The following NRG4 variants were observed in gnomAD, a reference collection of about 807,000 sequenced individuals.
The protein encoded by NRG4 is pro-neuregulin-4, membrane-bound isoform.
In NRG4, 10 loss-of-function variants were observed where a neutral mutation model predicts 15.0. That is an observed-to-expected ratio of 0.67 (90% CI 0.41 to 1.13). The LOEUF (loss-of-function observed/expected upper bound fraction) is 1.13. Ranked by LOEUF, NRG4 falls within the 50% of genes most tolerant of loss-of-function variation. NRG4 has a pLI of 0.00. For synonymous variants in NRG4, 41 were observed against 50.1 expected (o/e 0.82, Z 0.77); for missense variants, 139 against 140.2 (o/e 0.99, Z 0.04).
intron 3 of NRG4, among the ~76,000 whole-genome samples, chr15:75,989,406 G>A (rs1174933369): frequency 2.6e-5 from 4 of 151,842 alleles, no homozygotes; most frequent in Non-Finnish European, 5.9e-5. Context: ...AAGATCCTGA[G>A]ACTTTTTGGC....
At chr15:76,006,017 TGTCACTGAAG>T (rs1438515423) in intron 3 of NRG4, among the ~76,000 whole-genome samples, 1 of 152,166 alleles carries the variant, frequency 6.6e-6, no homozygotes, top group East Asian at 1.9e-4. Flanking sequence ...GTGTGAGGGC[TGTCACTGAAG>T]GTTTTTTTTG....
downstream of NRG4, chr15:75,938,965 A>G (rs919972655): frequency 1.3e-5 from 2 of 152,164 alleles, no homozygotes; most frequent in Admixed American, 1.3e-4. Context: ...AAGCACTGCT[A>G]AAAGGGAAAT....
intron 5 of NRG4, among the ~76,000 whole-genome samples, chr15:76,024,667 T>C (rs1395185548): frequency 2.0e-5 from 3 of 152,220 alleles, no homozygotes; most frequent in East Asian, 1.9e-4. Flanking sequence ...TCACTGTGCA[T>C]ACTCGCACCT....
At chr15:76,000,072 C>CG (rs1382211199) in intron 3 of NRG4, among the ~76,000 whole-genome samples, 1 of 152,022 alleles carries the variant, frequency 6.6e-6, no homozygotes, top group Admixed American at 6.5e-5. Flanking sequence ...TTAGTAGAAA[C>CG]GGGGTTTCAC....
rs1457269458 is a variant in NRG4 at position 76,039,229 on chromosome 15, C to G, written c.-104-3238G>C. ...GACACCAGCAAATATCCACAAGCAT[C>G]AAGACCATCCAGGAAAACATACCCT... On this transcript the variant is annotated intron_variant, in intron 4 of 8. Transcript: ENST00000563910. Among the ~76,000 whole-genome samples the G allele has an allele frequency of 3.3e-5, 5 of 152,254 alleles. No homozygotes were observed. In the South Asian group the frequency reaches 1.0e-3, roughly 32 times the overall value.
At chr15:75,981,227 C>T (rs2033595357) in intron 3 of NRG4, among the ~76,000 whole-genome samples, 2 of 152,156 alleles carry the variant, frequency 1.3e-5, no homozygotes, top group South Asian at 4.1e-4. Flanking sequence ...TATTGGAATA[C>T]TCCCTTTTGG....
chr15:75,960,234 C>T (rs1368755508), intron 4 of NRG4, among the ~76,000 whole-genome samples: 3 of 152,274 alleles, frequency 2.0e-5, no homozygotes, highest in Admixed American at 2.0e-4. Context: ...AGGTATTGGT[C>T]TTCCCCTTAG....
rs2031197067 is a variant in NRG4 at position 75,943,437 on chromosome 15, CT to C, written c.*200del. The C allele has an allele frequency of 5.4e-6, 3 of 557,072 alleles. No individual in the cohort carries two copies. The South Asian group carries it at 7.2e-5, about 13-fold the overall frequency. 34.5% of individuals were successfully genotyped at this position (557,072 alleles called of 1,614,324 possible). On this transcript the variant is annotated 3_prime_UTR_variant, in exon 6 of 6. Transcript: ENST00000394907. Reference sequence around the variant, plus strand: ...CGAATTATACTGGTATCACCCCCTACTTAGCAGTTGCCGATGGACTGATGCA... The same window carrying C: ...CGAATTATACTGGTATCACCCCCTACTAGCAGTTGCCGATGGACTGATGCA...
At chr15:76,004,409 T>C (rs1026568103) in intron 3 of NRG4, among the ~76,000 whole-genome samples, 22 of 152,010 alleles carry the variant, frequency 1.4e-4, no homozygotes, top group African/African-American at 5.1e-4. Context: ...GAGACCAGCC[T>C]GACCAAAATG....
At chr15:76,033,387 C>G (rs2035523540) in intron 5 of NRG4, among the ~76,000 whole-genome samples, 1 of 152,154 alleles carries the variant, frequency 6.6e-6, no homozygotes, top group Non-Finnish European at 1.5e-5. Flanking sequence ...GAAATCACAT[C>G]TGTATTTCAA....
At chr15:75,956,048 T>C (rs751061534) in intron 4 of NRG4, 37 bp from the exon 5 acceptor site, 2 of 1,230,730 alleles carry the variant, frequency 1.6e-6, no homozygotes, top group East Asian at 2.3e-5. Flanking sequence ...AAAATGGAAG[T>C]GTAATAGGAA....
At chr15:75,948,254 A>G (rs569654398) in intron 5 of NRG4, among the ~76,000 whole-genome samples, 2 of 151,656 alleles carry the variant, frequency 1.3e-5, no homozygotes, top group East Asian at 1.9e-4. Context: ...CATTCCCCCT[A>G]TGTTTTCTTC....
intron 4 of NRG4, among the ~76,000 whole-genome samples, chr15:76,046,721 A>G (rs1235111148): frequency 2.6e-5 from 4 of 151,208 alleles, no homozygotes; most frequent in African/African-American, 9.8e-5. Context: ...ACAGAAGAAA[A>G]CATTGGAGAG....
intron 5 of NRG4, among the ~76,000 whole-genome samples, chr15:76,026,889 A>G (rs334936): frequency 0.8 from 122,108 of 152,032 alleles, 49,390 homozygotes; most frequent in South Asian, 0.9. Context: ...TTGTGAGGCC[A>G]AGGTGGGTGG....
At chr15:76,036,038 C>A (rs188991757) in intron 4 of NRG4, 6 of 152,302 alleles carry the variant, frequency 3.9e-5, no homozygotes, top group African/African-American at 1.2e-4. Flanking sequence ...GTTTATGTAA[C>A]AGTTTTATCT....
intron 5 of NRG4, among the ~76,000 whole-genome samples, chr15:75,953,534 A>G (rs2032039554): frequency 6.6e-6 from 1 of 152,148 alleles, no homozygotes; most frequent in African/African-American, 2.4e-5. Context: ...CTGGATGTAG[A>G]ATTATAGGTT....
At chr15:76,050,973 TTTTATTTATTTA>T (rs376329611) in intron 4 of NRG4, among the ~76,000 whole-genome samples, 1,712 of 147,678 alleles carry the variant, frequency 0.012, 108 homozygotes, top group African/African-American at 0.04. Flanking sequence ...GCCTGCCTAT[TTTTATTTATTTA>T]TTTATTTATT....
At chr15:75,953,208 G>A (rs1344960016) in intron 5 of NRG4, among the ~76,000 whole-genome samples, 1 of 152,116 alleles carries the variant, frequency 6.6e-6, no homozygotes, top group Non-Finnish European at 1.5e-5. Context: ...ATGGTATGTA[G>A]GGGTTTAAAT....
intron 4 of NRG4, among the ~76,000 whole-genome samples, chr15:75,956,626 A>G (rs1328687919): frequency 6.6e-6 from 1 of 152,190 alleles, no homozygotes; most frequent in East Asian, 1.9e-4. Flanking sequence ...ACCATTGCAA[A>G]ATGATGTGTA....
Sources: gnomAD v4.1 joint callset for allele counts (sites outside exome capture counted in the v4.1 genomes callset) on GRCh38, gnomAD v4.1.1 for gene constraint, MANE v1.5 for transcripts, NCBI Gene and HGNC (gene_info 2026-07-23, HGNC 2026-07-21) for gene names.